Variants in EXOC4 observed in about 807,000 individuals in gnomAD.
EXOC4 encodes the protein SEC8-like 1.
Under a neutral mutation model 107.2 loss-of-function variants are expected in EXOC4, and 71 were observed. The observed-to-expected ratio is 0.66, with a 90% CI of 0.55 to 0.81. The LOEUF is 0.81. EXOC4 is among the 30% of genes least tolerant of loss of function. The pLI, the probability that EXOC4 is intolerant of heterozygous loss-of-function variation, is 0.00. For synonymous variants in EXOC4, 456 were observed against 441.2 expected (o/e 1.03, Z -0.42); for missense variants, 1,108 against 1,189.6 (o/e 0.93, Z 1.01).
intron 9 of EXOC4, among the ~76,000 whole-genome samples, chr7:133,526,563 C>T (rs1233792552): frequency 6.6e-6 from 1 of 152,194 alleles, no homozygotes. Context: ...GTGAATTTAT[C>T]ATGACTACCT....
chr7:133,924,751 A>G (rs969912705), intron 13 of EXOC4, among the ~76,000 whole-genome samples: 1 of 152,172 alleles, frequency 6.6e-6, no homozygotes, highest in African/African-American at 2.4e-5. Flanking sequence ...CTTTCATCCC[A>G]TAGTTTAGAT....
chr7:133,595,256 A>G (rs1801640028), intron 9 of EXOC4, among the ~76,000 whole-genome samples: 1 of 152,202 alleles, frequency 6.6e-6, no homozygotes, highest in Admixed American at 6.5e-5. Flanking sequence ...GGAGGTGATC[A>G]ATAGTATGTG....
At chr7:133,552,999 A>C (rs1453898121) in intron 9 of EXOC4, among the ~76,000 whole-genome samples, 3 of 152,126 alleles carry the variant, frequency 2.0e-5, no homozygotes, top group African/African-American at 7.2e-5. Flanking sequence ...TTGAAGGATC[A>C]TTGACTGGGT....
At chr7:133,623,121 C>T (rs1201959663) in intron 9 of EXOC4, among the ~76,000 whole-genome samples, 1 of 152,070 alleles carries the variant, frequency 6.6e-6, no homozygotes, top group African/African-American at 2.4e-5. Flanking sequence ...TCAGAATCAG[C>T]CCCTTTCCCT....
intron 10 of EXOC4, among the ~76,000 whole-genome samples, chr7:133,647,292 G>A (rs55843921): frequency 0.095 from 14,388 of 152,046 alleles, 888 homozygotes; most frequent in South Asian, 0.2. Flanking sequence ...GTACATTCTG[G>A]GTCATTTGAA....
At chr7:133,506,177 G>C (rs1201603763) in intron 9 of EXOC4, among the ~76,000 whole-genome samples, 1 of 152,028 alleles carries the variant, frequency 6.6e-6, no homozygotes, top group Non-Finnish European at 1.5e-5. Flanking sequence ...AAATTAGGGA[G>C]GATATATTTC....
chr7:133,896,117 C>A (rs1799301093), intron 12 of EXOC4, among the ~76,000 whole-genome samples: 2 of 152,092 alleles, frequency 1.3e-5, no homozygotes, highest in African/African-American at 4.8e-5. Flanking sequence ...ATAGTGTTTC[C>A]TTTTAATTAA....
rs1329191666 is a variant in EXOC4 at position 133,324,474 on chromosome 7, T to G, written c.763+7084T>G. Among the ~76,000 whole-genome samples the G allele has an allele frequency of 2.0e-5, 3 of 152,366 alleles. No individual in the cohort carries two copies. The East Asian group carries it at 5.8e-4, about 29-fold the overall frequency. ...TGCCTTCATTTTGTTATGTACCCAG[T>G]AGTATTCAGGAGCAGGTTGTTCAGT... On this transcript the variant is annotated intron_variant, in intron 5 of 17. Coordinates refer to ENST00000253861, the MANE Select transcript of EXOC4 (RefSeq NM_021807.4).
At chr7:133,449,201 A>G (rs1235715626) in intron 7 of EXOC4, among the ~76,000 whole-genome samples, 1 of 152,196 alleles carries the variant, frequency 6.6e-6, no homozygotes, top group East Asian at 1.9e-4. Flanking sequence ...GATTAGAGTA[A>G]AACTTGTACA....
At chr7:133,492,289 GTGGTGTT>G (rs1405375987) in intron 9 of EXOC4, among the ~76,000 whole-genome samples, 15 of 152,144 alleles carry the variant, frequency 9.9e-5, no homozygotes, top group African/African-American at 3.6e-4. Context: ...CTCATTCTGT[GTGGTGTT>G]TCAGCAAGAA....
rs543319108 is a variant in EXOC4 at position 133,877,520 on chromosome 7, C to A, written c.1735-18079C>A. On this transcript the variant is annotated intron_variant, in intron 11 of 17. Coordinates refer to ENST00000253861, the MANE Select transcript of EXOC4 (RefSeq NM_021807.4). ...TTTTACTCTAAGGCTAATTTGGCCC[C>A]GCTACTGAGACAATATTGTTTTGAA... Among the ~76,000 whole-genome samples, 15 of 152,232 alleles carry A rather than the reference C, an allele frequency of 9.9e-5. No homozygotes were observed. The South Asian group carries it at 1.5e-3, about 15-fold the overall frequency.
In EXOC4 at chr7:133,354,547, G is replaced by T. The variant is rs372366900; in HGVS notation, c.764-1783G>T. Among the ~76,000 whole-genome samples, 121 of 151,998 alleles carry T rather than the reference G, an allele frequency of 8.0e-4. 1 individual carries two copies. Among genetic ancestry groups the T allele is most frequent in the African/African-American group, 2.8e-3 (117 of 41,532 alleles). On this transcript the variant is annotated intron_variant, in intron 5 of 17. Coordinates refer to ENST00000253861, the MANE Select transcript of EXOC4 (RefSeq NM_021807.4). ...ATAAAGGCAGTAGGGGAAGGCTACT[G>T]GCTGTTTAACTTCCCTGGAATTTAC... is the stretch of plus-strand genomic sequence containing the variant.
chr7:133,676,621 T>G (rs1794062899), intron 10 of EXOC4, among the ~76,000 whole-genome samples: 2 of 152,154 alleles, frequency 1.3e-5, no homozygotes, highest in Admixed American at 1.3e-4. Context: ...GTTATGTTTC[T>G]GTGATTTATT....
chr7:133,747,929 C>A (rs1795712363), intron 10 of EXOC4, among the ~76,000 whole-genome samples: 1 of 152,166 alleles, frequency 6.6e-6, no homozygotes. Flanking sequence ...ATTGCAACAT[C>A]TACATCCTGA....
intron 17 of EXOC4, among the ~76,000 whole-genome samples, chr7:134,013,597 A>T (rs1369037064): frequency 6.6e-6 from 1 of 152,238 alleles, no homozygotes; most frequent in Non-Finnish European, 1.5e-5. Flanking sequence ...TACTAATGTA[A>T]GATGTTAATA....
chr7:133,675,772 A>G (rs1794043601), intron 10 of EXOC4, among the ~76,000 whole-genome samples: 1 of 152,194 alleles, frequency 6.6e-6, no homozygotes, highest in Admixed American at 6.5e-5. Context: ...GAGAGGCTTC[A>G]AAAAGCACAA....
chr7:134,090,124 T>C, the EXOC4 span, among the ~76,000 whole-genome samples: 2 of 152,232 alleles, frequency 1.3e-5, no homozygotes, highest in African/African-American at 2.4e-5. Context: ...TAAGCACTTA[T>C]TTTTAAGCCA....
intron 1 of EXOC4, among the ~76,000 whole-genome samples, chr7:133,263,873 A>G (rs1366752753): frequency 6.6e-6 from 1 of 152,150 alleles, no homozygotes; most frequent in African/African-American, 2.4e-5. Flanking sequence ...TCCCCTAGAC[A>G]CTTTAACAAT....
rs560908983 is a variant in EXOC4, at chr7:133,573,181, CA to C, written c.1418-56857del. ...TGTGGAGTTGTCTGATTAATACAAA[CA>C]AAAAAATACTAATCTGTGATATATA... On this transcript the variant is annotated intron_variant, in intron 9 of 17. Transcript: ENST00000253861. 4.8e-3 allele frequency among the ~76,000 whole-genome samples: 733 copies of C among 152,062 alleles called. 3 individuals carry two copies. Among genetic ancestry groups the C allele is most frequent in the Middle Eastern group, 0.017 (5 of 294 alleles).
Sources: gnomAD v4.1 joint callset for allele counts (sites outside exome capture counted in the v4.1 genomes callset) on GRCh38, gnomAD v4.1.1 for gene constraint, MANE v1.5 for transcripts, NCBI Gene and HGNC (gene_info 2026-07-23, HGNC 2026-07-21) for gene names.